AMD1: variants seen among roughly 807,000 people sequenced by gnomAD.
AMD1 encodes adenosylmethionine decarboxylase 1.
A neutral mutation model predicts 40.2 loss-of-function variants in AMD1; 11 were observed. The ratio of observed to expected loss-of-function variants is 0.27; its 90% CI spans 0.17 to 0.45. The LOEUF (loss-of-function observed/expected upper bound fraction) is 0.45. AMD1 is among the 20% of genes least tolerant of loss of function. The probability of loss-of-function intolerance (pLI) is 1.00; values close to 1 mark genes in which losing one functional copy is unlikely to be tolerated. For synonymous variants in AMD1, 121 were observed against 130.8 expected (o/e 0.93, Z 0.51); for missense variants, 257 against 410.2 (o/e 0.63, Z 3.23).
In AMD1 at chr6:110,874,820, T is replaced by G. The variant is rs1248521028; in HGVS notation, c.-286T>G. The G allele has an allele frequency of 3.1e-6, 1 of 326,866 alleles. No individual in the cohort carries two copies. Among genetic ancestry groups the G allele is most frequent in the Non-Finnish European group, 5.7e-6 (1 of 175,874 alleles). 20.2% of individuals were successfully genotyped at this position (326,866 alleles called of 1,614,324 possible). A position where few individuals can be genotyped will look rare whatever the true frequency, so the allele number is the denominator to read the frequency against. On this transcript the variant is annotated 5_prime_UTR_variant, in exon 1 of 9. Coordinates refer to ENST00000368885, the MANE Select transcript of AMD1 (RefSeq NM_001634.6). ...TATGGCCGGCGACATTAGCTAGCGCTCGCTCTACTCTCTCTAACGGGAAAG... is the reference window on the plus strand; with the variant it reads ...TATGGCCGGCGACATTAGCTAGCGCGCGCTCTACTCTCTCTAACGGGAAAG...
At chr6:110,839,570 G>A in the AMD1 span, among the ~76,000 whole-genome samples, 8 of 152,142 alleles carry the variant, frequency 5.3e-5, no homozygotes, top group Non-Finnish European at 7.4e-5. Flanking sequence ...GCAGTCAGTC[G>A]AGATCATGCC....
At chr6:110,888,623 T>A (rs1034593516) in intron 2 of AMD1, 11 of 275,642 alleles carry the variant, frequency 4.0e-5, no homozygotes, top group East Asian at 2.3e-4. Context: ...TTTTTTTTTT[T>A]AAACTAAGTT....
the AMD1 span, chr6:110,814,833 G>A: frequency 1.2e-6 from 1 of 818,324 alleles, no homozygotes; most frequent in South Asian, 1.5e-5. Flanking sequence ...ACGGGGCCGC[G>A]CGGGGGAGGC....
At chr6:110,844,264 T>A in the AMD1 span, among the ~76,000 whole-genome samples, 9 of 142,184 alleles carry the variant, frequency 6.3e-5, no homozygotes, top group African/African-American at 2.3e-4. Flanking sequence ...AGAATTATAA[T>A]CTTTTTTTTT....
the AMD1 span, among the ~76,000 whole-genome samples, chr6:110,865,291 A>G: frequency 6.6e-6 from 1 of 152,236 alleles, no homozygotes; most frequent in Non-Finnish European, 1.5e-5. Flanking sequence ...AAAACTGAGC[A>G]ATTTTATATT....
the AMD1 span, among the ~76,000 whole-genome samples, chr6:110,816,694 C>G: frequency 5.4e-5 from 3 of 56,032 alleles, no homozygotes; most frequent in Non-Finnish European, 1.2e-4. Context: ...CTTTATTCAC[C>G]TTAGACATTT....
the AMD1 span, among the ~76,000 whole-genome samples, chr6:110,860,143 G>A: frequency 6.6e-6 from 1 of 151,922 alleles, no homozygotes; most frequent in Admixed American, 6.6e-5. Flanking sequence ...TAGGTTTTAA[G>A]GAGCCTCCAG....
chr6:110,878,438 T>C (rs1414404533), intron 1 of AMD1, among the ~76,000 whole-genome samples: 2 of 152,316 alleles, frequency 1.3e-5, no homozygotes, highest in East Asian at 3.9e-4. Flanking sequence ...GAACAAATTA[T>C]GTAATACTGA....
the AMD1 span, among the ~76,000 whole-genome samples, chr6:110,853,316 T>C: frequency 4.6e-5 from 7 of 150,746 alleles, no homozygotes; most frequent in Admixed American, 2.6e-4. Flanking sequence ...TTTTTTGTTT[T>C]TTTTTTTTTG....
chr6:110,856,447 T>A, the AMD1 span: 1 of 152,168 alleles, frequency 6.6e-6, no homozygotes, highest in African/African-American at 2.4e-5. Context: ...ATACTAAAAT[T>A]GGACCAATAC....
chr6:110,848,548 C>T, the AMD1 span: 1 of 358,346 alleles, frequency 2.8e-6, no homozygotes, highest in South Asian at 2.8e-5. Context: ...AACAAAACTG[C>T]ACTTATGTAT....
At chr6:110,842,817 T>C in the AMD1 span, among the ~76,000 whole-genome samples, 2 of 151,998 alleles carry the variant, frequency 1.3e-5, no homozygotes. Flanking sequence ...TTCCCACAGA[T>C]ATTGAACCAA....
At chr6:110,862,489 CAG>C in the AMD1 span, among the ~76,000 whole-genome samples, 3 of 143,276 alleles carry the variant, frequency 2.1e-5, no homozygotes, top group Non-Finnish European at 4.6e-5. Context: ...TTTTTTGAGA[CAG>C]AGTTTTGCTT....
the AMD1 span, among the ~76,000 whole-genome samples, chr6:110,844,783 G>GA: frequency 1.7e-4 from 24 of 141,318 alleles, no homozygotes; most frequent in South Asian, 6.6e-4. Flanking sequence ...CTGCATTTCA[G>GA]AAAAAAAAAA....
chr6:110,834,039 G>A, the AMD1 span, among the ~76,000 whole-genome samples: 1 of 152,050 alleles, frequency 6.6e-6, no homozygotes, highest in African/African-American at 2.4e-5. Context: ...GACTTCCCGG[G>A]CTCAAGTAAT....
At chr6:110,838,674 C>A in the AMD1 span, among the ~76,000 whole-genome samples, 5 of 152,064 alleles carry the variant, frequency 3.3e-5, no homozygotes, top group African/African-American at 1.2e-4. Context: ...CCCTGGCCAA[C>A]ATGGTGAAAC....
the AMD1 span, among the ~76,000 whole-genome samples, chr6:110,834,357 AT>A: frequency 0.021 from 3,138 of 152,146 alleles, 89 homozygotes; most frequent in African/African-American, 0.073. Context: ...TAATAATAAT[AT>A]TCTAGCATGT....
At chr6:110,866,009 C>T in the AMD1 span, among the ~76,000 whole-genome samples, 3 of 152,000 alleles carry the variant, frequency 2.0e-5, no homozygotes, top group East Asian at 1.9e-4. Flanking sequence ...GTGATCTGCC[C>T]GCCTCGGCCT....
the AMD1 span, among the ~76,000 whole-genome samples, chr6:110,862,189 T>G: frequency 6.6e-6 from 1 of 151,796 alleles, no homozygotes; most frequent in African/African-American, 2.4e-5. Context: ...TTTTATTATA[T>G]TGTAGAGATA....
Sources: allele counts gnomAD v4.1 joint callset (sites outside exome capture counted in the v4.1 genomes callset), GRCh38; gene constraint gnomAD v4.1.1; transcripts MANE v1.5; gene names NCBI Gene and HGNC (gene_info 2026-07-23, HGNC 2026-07-21).